Variants in ATP6V1C1 observed in about 807,000 individuals in gnomAD.
ATP6V1C1 encodes the protein V-type proton ATPase subunit C 1.
In ATP6V1C1, 45 loss-of-function variants were observed where a neutral mutation model predicts 53.9. The ratio of observed to expected loss-of-function variants is 0.83; its 90% confidence interval spans 0.66 to 1.07. The LOEUF (loss-of-function observed/expected upper bound fraction) is 1.07, where lower values mean the gene tolerates loss of function less well. Among genes scored for constraint, ATP6V1C1 ranks in the 50% least tolerant of loss-of-function variants. ATP6V1C1 has a pLI of 0.00. For synonymous variants in ATP6V1C1, 153 were observed against 155.2 expected, an observed-to-expected ratio of 0.99 and a Z score of 0.11; for missense variants, 315 against 440.3, an observed-to-expected ratio of 0.72 and a Z score of 2.55.
At chr8:103,051,027 A>G (rs1817191740) in intron 4 of ATP6V1C1, 23 bp from the exon 5 acceptor site, 1 of 1,481,270 alleles carries the variant, frequency 6.8e-7, no homozygotes, top group Non-Finnish European at 9.4e-7. Flanking sequence ...TTCTTCAGTA[A>G]TTAATTTATT....
At position 103,071,378 on chromosome 8, in the gene ATP6V1C1, C is replaced by G. The variant is rs1817584594; in HGVS notation, c.*2631C>G. On this transcript the variant is annotated 3_prime_UTR_variant, in exon 13 of 13. Coordinates refer to ENST00000518738, the MANE Select transcript of ATP6V1C1 (RefSeq NM_001695.5). ...CGGTCCCCATTTTCATGTATGGAGA[C>G]TTCAGGTGAAAGAAGTTAAGTGAAT... is the stretch of plus-strand genomic sequence containing the variant. The G allele has an allele frequency of 6.6e-6, 1 of 152,084 alleles. No homozygotes were observed. The highest frequency in any genetic ancestry group is 1.5e-5 in the Non-Finnish European group (1 of 68,018). 9.4% of individuals were successfully genotyped at this position (152,084 alleles called of 1,614,324 possible). A position where few individuals can be genotyped will look rare whatever the true frequency, so the allele number is the denominator to read the frequency against.
chr8:103,046,883 G>A (rs149023762), intron 3 of ATP6V1C1, among the ~76,000 whole-genome samples: 13 of 152,170 alleles, frequency 8.5e-5, no homozygotes, highest in Admixed American at 3.3e-4. Flanking sequence ...ATAGGCATAC[G>A]GAGATCTTGA....
chr8:103,047,620 T>A (rs1291461946), intron 3 of ATP6V1C1, among the ~76,000 whole-genome samples: 1 of 152,166 alleles, frequency 6.6e-6, no homozygotes, highest in African/African-American at 2.4e-5. Context: ...TCAGAGGCTG[T>A]GTATCTGCAA....
rs1817598385 is a variant in ATP6V1C1, at chr8:103,072,194, G to A, written c.*3447G>A. The A allele has an allele frequency of 6.6e-6, 1 of 152,206 alleles. No homozygotes were observed. The highest frequency in any genetic ancestry group is 6.5e-5 in the Admixed American group (1 of 15,280). The allele number at this position is 152,206 out of a possible 1,614,324, so 9.4% of individuals were successfully genotyped here. On this transcript the variant is annotated 3_prime_UTR_variant, in exon 13 of 13. Coordinates refer to ENST00000518738, the MANE Select transcript of ATP6V1C1 (RefSeq NM_001695.5). The stretch of plus-strand genomic sequence containing the variant: ...AGCTTTTTGAATGAGTGCATATCCA[G>A]TAGTACCTTTAAAGTAACACTTTGT...
intron 1 of ATP6V1C1, among the ~76,000 whole-genome samples, chr8:103,023,907 G>GA (rs1816649218): frequency 7.1e-6 from 1 of 140,408 alleles, no homozygotes; most frequent in Non-Finnish European, 1.6e-5. Context: ...TTTTTTTTTG[G>GA]GGGGGGGGAA....
chr8:103,041,050 C>T (rs1816991378), intron 2 of ATP6V1C1, 82 bp downstream of exon 2: 1 of 1,417,840 alleles, frequency 7.1e-7, no homozygotes. Context: ...AAATGAGATA[C>T]CCAGGTTCCT....
chr8:103,033,264 C>T (rs60356223), intron 1 of ATP6V1C1, among the ~76,000 whole-genome samples: 12,086 of 152,220 alleles, frequency 0.079, 534 homozygotes, highest in East Asian at 0.12. Flanking sequence ...ACAGTGCTCA[C>T]ACAGGTGTAT....
At chr8:103,050,589 ATGTTTTGAAAATTGT>A (rs1817183257) in intron 4 of ATP6V1C1, among the ~76,000 whole-genome samples, 1 of 152,168 alleles carries the variant, frequency 6.6e-6, no homozygotes, top group South Asian at 2.1e-4. Context: ...GAAAGGGTCC[ATGTTTTGAAAATTGT>A]TAAAATGTGG....
At chr8:103,053,289 T>C (rs2131396827) in intron 6 of ATP6V1C1, among the ~76,000 whole-genome samples, 1 of 152,134 alleles carries the variant, frequency 6.6e-6, no homozygotes, top group Middle Eastern at 3.4e-3. Flanking sequence ...CCCCTTGTAC[T>C]ATGACTACTT....
intron 11 of ATP6V1C1, among the ~76,000 whole-genome samples, chr8:103,065,595 A>C (rs796566228): frequency 2.6e-5 from 4 of 152,180 alleles, no homozygotes; most frequent in African/African-American, 9.6e-5. Context: ...AACAAACAAA[A>C]AAACACCCCA....
At chr8:103,062,910 A>G in intron 8 of ATP6V1C1, 45 bp from the exon 9 acceptor site, 1 of 1,557,066 alleles carries the variant, frequency 6.4e-7, no homozygotes, top group Non-Finnish European at 8.8e-7. Context: ...TATGAAAGAC[A>G]GCAATACGTA....
chr8:103,030,774 G>T (rs968069334), intron 1 of ATP6V1C1, among the ~76,000 whole-genome samples: 1 of 152,104 alleles, frequency 6.6e-6, no homozygotes, highest in Non-Finnish European at 1.5e-5. Context: ...TTATGGGGGG[G>T]GTCTCTGCAG....
intron 3 of ATP6V1C1, among the ~76,000 whole-genome samples, chr8:103,045,737 C>G (rs3116470): frequency 1.3e-5 from 2 of 151,276 alleles, no homozygotes; most frequent in Non-Finnish European, 1.5e-5. Flanking sequence ...GTCAGGAGAT[C>G]GAGACCATCC....
intron 1 of ATP6V1C1, among the ~76,000 whole-genome samples, chr8:103,026,126 T>C (rs1173416733): frequency 6.6e-6 from 1 of 152,224 alleles, no homozygotes; most frequent in African/African-American, 2.4e-5. Flanking sequence ...GAGAAGGTTT[T>C]GGTGATTACT....
chr8:103,029,519 C>G (rs560648223), intron 1 of ATP6V1C1, among the ~76,000 whole-genome samples: 16 of 152,268 alleles, frequency 1.1e-4, no homozygotes, highest in Admixed American at 2.0e-4. Context: ...CCACCCGCCT[C>G]AGCCTCCCAA....
At chr8:103,051,365 A>G (rs1202012123) in intron 5 of ATP6V1C1, among the ~76,000 whole-genome samples, 1 of 152,194 alleles carries the variant, frequency 6.6e-6, no homozygotes, top group Non-Finnish European at 1.5e-5. Context: ...TAACTTAAAT[A>G]TTACATCAAC....
At chr8:103,059,415 C>T (rs1259234256) in intron 8 of ATP6V1C1, among the ~76,000 whole-genome samples, 1 of 152,138 alleles carries the variant, frequency 6.6e-6, no homozygotes. Context: ...GACTCAAACT[C>T]TCTAGTTGCC....
chr8:103,059,510 G>T (rs534062869), intron 8 of ATP6V1C1, among the ~76,000 whole-genome samples: 36 of 151,640 alleles, frequency 2.4e-4, no homozygotes, highest in Middle Eastern at 3.4e-3. Context: ...CTTTGCCCTT[G>T]CACCCCCCTC....
Position 103,071,335 on chromosome 8 carries a change from T to A in ATP6V1C1, c.*2588T>A, listed in dbSNP as rs910831683. 6.6e-6 allele frequency: 1 copy of A among 152,184 alleles called. No individual in the cohort carries two copies. The highest frequency in any genetic ancestry group is 1.5e-5 in the Non-Finnish European group (1 of 68,050). The allele number at this position is 152,184 out of a possible 1,614,324, so 9.4% of individuals were successfully genotyped here. A position where few individuals can be genotyped will look rare whatever the true frequency, so the allele number is the denominator to read the frequency against. On this transcript the variant is annotated 3_prime_UTR_variant, in exon 13 of 13. Coordinates refer to ENST00000518738, the MANE Select transcript of ATP6V1C1 (RefSeq NM_001695.5). ...TCCTCCCGGCCCCTCCCCGTGTTGT[T>A]CATGGAGGGAGTACTGGCGGTCCCC...
Sources: gnomAD v4.1 joint callset for allele counts (sites outside exome capture counted in the v4.1 genomes callset) on GRCh38, gnomAD v4.1.1 for gene constraint, MANE v1.5 for transcripts, NCBI Gene and HGNC (gene_info 2026-07-23, HGNC 2026-07-21) for gene names.